Variants in CRIM1 observed in about 807,000 individuals in gnomAD.
The protein encoded by CRIM1 is cysteine-rich motor neuron 1 protein.
CRIM1 carries 32 observed loss-of-function variants against 116.4 expected under a neutral mutation model. That is an observed-to-expected ratio of 0.27 (90% CI 0.21 to 0.37). CRIM1 has a LOEUF of 0.37. Ranked by LOEUF, CRIM1 falls within the 10% of genes least tolerant of loss-of-function variation. CRIM1 has a pLI of 1.00. For missense variants in CRIM1, 1,331 were observed against 1,354.8 expected, an observed-to-expected ratio of 0.98 and a Z score of 0.28; for synonymous variants, 590 against 509.2, an observed-to-expected ratio of 1.16 and a Z score of -2.13.
rs148256222 is a variant in CRIM1, at chr2:36,537,488, C to A, written c.2565C>A (p.Pro855=). 2 of 1,614,084 alleles carry A rather than the reference C, an allele frequency of 1.2e-6. No individual in the cohort carries two copies. The highest frequency in any genetic ancestry group is 1.3e-5 in the African/African-American group (1 of 74,954). ...GQTLCSTVSC[P]PLPCVEPINV... ...CCCTCTGCTCGACCGTCAGCTGCCC[C>A]CCTCTGCCCTGTGTTGAGCCCATCA... Residue 855 remains proline, a synonymous_variant, in exon 14 of 17, where the codon CCC becomes CCA. Coordinates refer to ENST00000280527, the MANE Select transcript of CRIM1 (RefSeq NM_016441.3).
intron 2 of CRIM1, among the ~76,000 whole-genome samples, chr2:36,438,420 C>G (rs1044322682): frequency 2.0e-5 from 3 of 152,344 alleles, no homozygotes; most frequent in Admixed American, 1.3e-4. Context: ...CAAACTCCAA[C>G]TTAATCTGCA....
At chr2:36,391,467 A>G (rs558822084) in intron 1 of CRIM1, among the ~76,000 whole-genome samples, 11 of 152,206 alleles carry the variant, frequency 7.2e-5, no homozygotes, top group African/African-American at 2.6e-4. Flanking sequence ...GCTGGGAAAA[A>G]TCACATGAGA....
At chr2:36,537,301 C>G (rs560505543) in intron 13 of CRIM1, 51 bp from the exon 14 acceptor site, 2 of 1,505,502 alleles carry the variant, frequency 1.3e-6, no homozygotes, top group East Asian at 2.3e-5. Flanking sequence ...CTAATAAGAT[C>G]GTGTGCGTTG....
At chr2:36,477,516 G>T (rs965549787) in intron 6 of CRIM1, among the ~76,000 whole-genome samples, 2 of 152,154 alleles carry the variant, frequency 1.3e-5, no homozygotes, top group African/African-American at 4.8e-5. Context: ...TGCCACTGTC[G>T]TAATACCCAG....
chr2:36,432,068 T>C (rs1267929723), intron 2 of CRIM1, among the ~76,000 whole-genome samples: 2 of 152,104 alleles, frequency 1.3e-5, no homozygotes, highest in Non-Finnish European at 2.9e-5. Flanking sequence ...TTATAAAGAG[T>C]CTTCTTAAAA....
chr2:36,529,545 T>C, intron 13 of CRIM1: 1 of 188,564 alleles, frequency 5.3e-6, no homozygotes, highest in Non-Finnish European at 1.1e-5. Context: ...TAGATGCATC[T>C]TGGATTGTAG....
Position 36,513,614 on chromosome 2 carries a change from T to C in CRIM1, c.1839T>C (p.Gly613=), listed in dbSNP as rs367630049. The part of the protein sequence containing the change: ...ILSGTCLTVD[G]HHHKNEESWH... ...CGGGCACTTGTCTCACCGTGGATGG[T>C]CATCATCATAAAAATGAGGAGAGCT... is the stretch of plus-strand genomic sequence containing the variant. The change falls in exon 11 of 17, where the codon GGT becomes GGC. Residue 613 remains glycine (G), a synonymous_variant. Coordinates refer to ENST00000280527, the MANE Select transcript of CRIM1 (RefSeq NM_016441.3). 31 of 1,614,118 alleles carry C rather than the reference T, an allele frequency of 1.9e-5. No homozygotes were observed. Among genetic ancestry groups the C allele is most frequent in the Non-Finnish European group, 2.5e-5 (30 of 1,180,020 alleles).
At chr2:36,379,764 TAAAGA>T (rs1333984861) in intron 1 of CRIM1, among the ~76,000 whole-genome samples, 1 of 146,316 alleles carries the variant, frequency 6.8e-6, no homozygotes, top group Non-Finnish European at 1.5e-5. Context: ...TTTTTTTTTT[TAAAGA>T]AAAGCAATTG....
intron 14 of CRIM1, among the ~76,000 whole-genome samples, chr2:36,540,397 G>A (rs1481824372): frequency 6.6e-6 from 1 of 152,114 alleles, no homozygotes; most frequent in East Asian, 1.9e-4. Flanking sequence ...TGAAGTTGAG[G>A]GTCCTTGGAG....
intron 4 of CRIM1, among the ~76,000 whole-genome samples, chr2:36,454,446 G>GA (rs1437692978): frequency 6.6e-6 from 1 of 152,142 alleles, no homozygotes; most frequent in African/African-American, 2.4e-5. Flanking sequence ...CATCATGGAA[G>GA]AAGTGATCGT....
In CRIM1 at chr2:36,441,249, C is replaced by A. The variant is rs770685984; in HGVS notation, c.506-9C>A. 4 of 1,614,012 alleles carry A rather than the reference C, an allele frequency of 2.5e-6. No homozygotes were observed. Among genetic ancestry groups the A allele is most frequent in the South Asian group, 1.1e-5 (1 of 91,080 alleles). On this transcript the variant is annotated splice_polypyrimidine_tract_variant and intron_variant, in intron 2 of 16. Transcript: ENST00000280527. ...TGGGCATAAGCTAAATTCTTTCTCT[C>A]CCTTTTAGAAGAGAAGCCAGATTGC...
chr2:36,430,928 G>A (rs1037602978), intron 2 of CRIM1, among the ~76,000 whole-genome samples: 4 of 152,206 alleles, frequency 2.6e-5, no homozygotes, highest in Non-Finnish European at 5.9e-5. Flanking sequence ...GCTGAGAACA[G>A]TCTCCAGGAG....
At chr2:36,357,503 C>G (rs1482215725) in intron 1 of CRIM1, among the ~76,000 whole-genome samples, 1 of 152,100 alleles carries the variant, frequency 6.6e-6, no homozygotes, top group Non-Finnish European at 1.5e-5. Context: ...GAGTCTTTCT[C>G]GTTGGGGAGC....
chr2:36,547,777 C>A (rs1667456515), intron 16 of CRIM1, among the ~76,000 whole-genome samples: 1 of 152,084 alleles, frequency 6.6e-6, no homozygotes, highest in African/African-American at 2.4e-5. Context: ...CATAAAGGGC[C>A]TCTAAATCTG....
intron 1 of CRIM1, among the ~76,000 whole-genome samples, chr2:36,381,093 GC>G (rs1670720134): frequency 6.6e-6 from 1 of 152,104 alleles, no homozygotes. Context: ...CAGCCTCCCT[GC>G]CCGCCTTCTT....
At chr2:36,535,209 G>T (rs923356650) in intron 13 of CRIM1, among the ~76,000 whole-genome samples, 2 of 147,548 alleles carry the variant, frequency 1.4e-5, no homozygotes, top group South Asian at 4.5e-4. Context: ...GGGAAGGAAG[G>T]ATGGAGGGAG....
intron 1 of CRIM1, among the ~76,000 whole-genome samples, chr2:36,395,010 CTTTTTT>C (rs772105466): frequency 8.8e-6 from 1 of 113,442 alleles, no homozygotes. Flanking sequence ...TTTGTACTGT[CTTTTTT>C]TTTTTTTTTT....
chr2:36,441,860 A>T (rs1402868997), intron 3 of CRIM1, among the ~76,000 whole-genome samples: 1 of 152,194 alleles, frequency 6.6e-6, no homozygotes, highest in Non-Finnish European at 1.5e-5. Context: ...TATATCTGCC[A>T]CTTTGAATTA....
Position 36,550,754 on chromosome 2 carries a change from T to A in CRIM1, c.*2053T>A, listed in dbSNP as rs1667714307. ...CAAAAATAGATTGACATCAGCCTGA[T>A]TAGTATAAATTTTGTTGGTAATTAA... On this transcript the variant is annotated 3_prime_UTR_variant, in exon 17 of 17. Coordinates refer to ENST00000280527, the MANE Select transcript of CRIM1 (RefSeq NM_016441.3). 8 of 152,564 alleles carry A rather than the reference T, an allele frequency of 5.2e-5. 1 individual carries two copies. Among genetic ancestry groups the A allele is most frequent in the Admixed American group, 5.2e-4 (8 of 15,282 alleles). The allele number at this position is 152,564 out of a possible 1,614,324, so 9.5% of individuals were successfully genotyped here. A position where few individuals can be genotyped will look rare whatever the true frequency, so the allele number is the denominator to read the frequency against.
Sources: allele counts gnomAD v4.1 joint callset (sites outside exome capture counted in the v4.1 genomes callset), GRCh38; gene constraint gnomAD v4.1.1; transcripts MANE v1.5; gene names NCBI Gene and HGNC (gene_info 2026-07-23, HGNC 2026-07-21).